The following CSNK2A2 variants were observed in gnomAD, a reference collection of about 807,000 sequenced individuals.
CSNK2A2 encodes casein kinase II subunit alpha'.
A neutral mutation model predicts 54.0 loss-of-function variants in CSNK2A2; 8 were observed. The ratio of observed to expected loss-of-function variants is 0.15; its 90% confidence interval spans 0.09 to 0.27. The LOEUF is 0.27. CSNK2A2 is among the 10% of genes least tolerant of loss of function. CSNK2A2 has a pLI of 1.00. For synonymous variants in CSNK2A2, 141 were observed against 153.9 expected, an observed-to-expected ratio of 0.92 and a Z score of 0.62; for missense variants, 242 against 439.4, an observed-to-expected ratio of 0.55 and a Z score of 4.02.
intron 4 of CSNK2A2, among the ~76,000 whole-genome samples, chr16:58,175,361 C>A (rs939458378): frequency 1.3e-5 from 2 of 152,176 alleles, no homozygotes; most frequent in African/African-American, 4.8e-5. Flanking sequence ...TCCCATCAAT[C>A]CAAGCCATGC....
chr16:58,174,536 A>G, intron 4 of CSNK2A2, 26 bp from the exon 5 acceptor site: 1 of 1,592,130 alleles, frequency 6.3e-7, no homozygotes, highest in South Asian at 1.1e-5. Flanking sequence ...GAAAACAGAA[A>G]GTTAATTTAG....
intron 4 of CSNK2A2, among the ~76,000 whole-genome samples, chr16:58,175,804 A>G (rs1232528852): frequency 6.6e-6 from 1 of 152,144 alleles, no homozygotes; most frequent in African/African-American, 2.4e-5. Context: ...CTTAGGAAAA[A>G]TATTTGATTT....
chr16:58,171,979 A>ATATATATT (rs1261137669), intron 5 of CSNK2A2, among the ~76,000 whole-genome samples: 14 of 66,184 alleles, frequency 2.1e-4, no homozygotes, highest in Non-Finnish European at 3.2e-4. Flanking sequence ...ATATATATAT[A>ATATATATT]TTTTTTTTTT....
chr16:58,190,122 G>A (rs570562888), intron 2 of CSNK2A2, among the ~76,000 whole-genome samples: 1 of 152,288 alleles, frequency 6.6e-6, no homozygotes, highest in East Asian at 1.9e-4. Context: ...CACTCTGCAT[G>A]CTAGAAGAAG....
rs1298823311 is a variant in CSNK2A2 at position 58,167,240 on chromosome 16, T to C, written c.693A>G (p.Glu231=). ...AGTTGTCCTGTCCATGGAAGAATGGTTCCCTTCGAAAGATCATGCTTGCTA... is the reference window on the plus strand; with the variant it reads ...AGTTGTCCTGTCCATGGAAGAATGGCTCCCTTCGAAAGATCATGCTTGCTA... ...CMLASMIFRR[E]PFFHGQDNYD... Residue 231 remains glutamate, a synonymous_variant, in exon 8 of 12, where the codon GAA becomes GAG. Transcript: ENST00000262506. The C allele has an allele frequency of 4.3e-6, 7 of 1,613,552 alleles. No individual in the cohort carries two copies. In the African/African-American group the frequency reaches 9.3e-5, roughly 22 times the overall value.
At chr16:58,180,649 T>C (rs556646298) in intron 4 of CSNK2A2, among the ~76,000 whole-genome samples, 7 of 152,280 alleles carry the variant, frequency 4.6e-5, no homozygotes, top group African/African-American at 1.7e-4. Context: ...TTATATAGTA[T>C]AACCTTGATA....
intron 11 of CSNK2A2, chr16:58,163,725 GCTTGTTGACTGAATGGGTTAATT>G (rs1014308379): frequency 5.8e-6 from 1 of 173,692 alleles, no homozygotes; most frequent in African/African-American, 2.4e-5. Context: ...GACATTCAGA[GCTTGTTGACTGAATGGGTTAATT>G]CAACAGTGGT....
At chr16:58,191,941 C>T (rs78019923) in intron 2 of CSNK2A2, among the ~76,000 whole-genome samples, 6 of 152,276 alleles carry the variant, frequency 3.9e-5, no homozygotes, top group Admixed American at 1.3e-4. Flanking sequence ...AACTGTTTGA[C>T]GTCACAGAGC....
At chr16:58,187,586 GT>G (rs1962222444) in intron 2 of CSNK2A2, among the ~76,000 whole-genome samples, 1 of 152,134 alleles carries the variant, frequency 6.6e-6, no homozygotes, top group South Asian at 2.1e-4. Context: ...TCTTAAATGA[GT>G]TAAAGAGTTT....
rs1469408991 is a variant in CSNK2A2 at position 58,197,462 on chromosome 16, A to C, written c.104+171T>G. Among the ~76,000 whole-genome samples, 1 of 152,122 alleles carries C rather than the reference A, an allele frequency of 6.6e-6. No individual in the cohort carries two copies. Among genetic ancestry groups the C allele is most frequent in the Non-Finnish European group, 1.5e-5 (1 of 68,012 alleles). ...GGGAGAAAGGGACGAAACGGGGGTA[A>C]AGGGGAGGGAAGAGGAAGACGAGGA... On this transcript the variant is annotated intron_variant, in intron 1 of 11. Coordinates refer to ENST00000262506, the MANE Select transcript of CSNK2A2 (RefSeq NM_001896.4). The surrounding 1 kb of genome is among the most constrained non-coding windows in gnomAD (Gnocchi z 4.0).
intron 5 of CSNK2A2, chr16:58,174,042 A>G (rs1168879532): frequency 2.6e-5 from 4 of 155,054 alleles, no homozygotes; most frequent in African/African-American, 9.6e-5. Context: ...GTCATCCTGG[A>G]CCATCCTGCC....
At chr16:58,192,279 T>C (rs369432460) in intron 2 of CSNK2A2, among the ~76,000 whole-genome samples, 2 of 152,122 alleles carry the variant, frequency 1.3e-5, no homozygotes, top group African/African-American at 4.8e-5. Flanking sequence ...CTAGAAACTA[T>C]CTGGAGCCCT....
Position 58,174,476 on chromosome 16 carries a change from C to T in CSNK2A2, c.404G>A (p.Arg135Gln), listed in dbSNP as rs780916581. The T allele has an allele frequency of 6.2e-6, 10 of 1,612,068 alleles. No individual in the cohort carries two copies. The highest frequency in any genetic ancestry group is 2.2e-5 in the East Asian group (1 of 44,730). The change falls in exon 5 of 12, where the codon CGG becomes CAG. Residue 135 changes from arginine (R) to glutamine (Q), a missense_variant. Physicochemically the swap from Arg to Gln is conservative, Grantham distance 43 (BLOSUM62 1). Around this residue, in one of 5 missense-constraint regions of CSNK2A2, gnomAD observed 69 missense variants for 97.0 expected, o/e 0.71. Coordinates refer to ENST00000262506, the MANE Select transcript of CSNK2A2 (RefSeq NM_001896.4). ...LYQILTDFDI[R>Q]FYMYELLKAL... The stretch of plus-strand genomic sequence containing the variant: ...TTTAAGTAGTTCATACATATAAAAC[C>T]GGATATCAAAGTCTGTCAGGATCTG...
At chr16:58,158,568 C>A (rs148313627) in intron 11 of CSNK2A2, among the ~76,000 whole-genome samples, 2 of 152,218 alleles carry the variant, frequency 1.3e-5, no homozygotes, top group Non-Finnish European at 2.9e-5. Flanking sequence ...GTCTCTAGCA[C>A]GGCCTTCTGT....
At chr16:58,194,660 A>T (rs929813830) in intron 2 of CSNK2A2, among the ~76,000 whole-genome samples, 1 of 152,236 alleles carries the variant, frequency 6.6e-6, no homozygotes, top group Admixed American at 6.5e-5. Flanking sequence ...GAACAGTAAG[A>T]GATATGAAGA....
intron 5 of CSNK2A2, among the ~76,000 whole-genome samples, chr16:58,170,607 G>A (rs1222614460): frequency 6.6e-6 from 1 of 152,034 alleles, no homozygotes; most frequent in Non-Finnish European, 1.5e-5. Flanking sequence ...GCAACCTGAG[G>A]GTTCAAGTTT....
At chr16:58,166,515 G>A (rs1961566954) in intron 9 of CSNK2A2, 69 bp downstream of exon 9, 4 of 1,025,218 alleles carry the variant, frequency 3.9e-6, no homozygotes, top group Non-Finnish European at 6.1e-6. Context: ...AAAAGAAAGT[G>A]ATTTTGGCTA....
At chr16:58,194,897 T>C (rs1962395186) in intron 2 of CSNK2A2, among the ~76,000 whole-genome samples, 1 of 151,576 alleles carries the variant, frequency 6.6e-6, no homozygotes, top group South Asian at 2.1e-4. Context: ...TGCTGGTATT[T>C]ATACACACAC....
At chr16:58,160,574 A>G (rs1012788706) in intron 11 of CSNK2A2, 1 of 152,332 alleles carries the variant, frequency 6.6e-6, no homozygotes, top group African/African-American at 2.4e-5. Context: ...GCCCCGCGGC[A>G]CCCAGCTCTC....
Sources: gnomAD v4.1 joint callset for allele counts (sites outside exome capture counted in the v4.1 genomes callset) on GRCh38, gnomAD v4.1.1 for gene constraint, gnomAD v4.1.1 regional missense constraint, Gnocchi (gnomAD v3.1) non-coding constraint, MANE v1.5 for transcripts, NCBI Gene and HGNC (gene_info 2026-07-23, HGNC 2026-07-21) for gene names.